The following CATSPERB variants were observed in gnomAD, a reference collection of about 807,000 sequenced individuals.
CATSPERB encodes catsper channel auxiliary subunit beta.
Under a neutral mutation model 128.3 loss-of-function variants are expected in CATSPERB, and 93 were observed. That is an observed-to-expected ratio of 0.72 (90% CI 0.61 to 0.86). CATSPERB has a LOEUF of 0.86. CATSPERB is among the 40% of genes least tolerant of loss of function. The pLI is 0.00. For synonymous variants in CATSPERB, 381 were observed against 448.8 expected (o/e 0.85, Z 1.91); for missense variants, 1,153 against 1,329.5 (o/e 0.87, Z 2.06).
chr14:91,669,743 G>A, intron 14 of CATSPERB, 71 bp downstream of exon 14: 1 of 1,413,564 alleles, frequency 7.1e-7, no homozygotes, highest in Non-Finnish European at 9.5e-7. Context: ...TGTTCTTAAT[G>A]TACAGCCATG....
chr14:91,706,850 C>T (rs546538523), intron 6 of CATSPERB, among the ~76,000 whole-genome samples: 7 of 152,172 alleles, frequency 4.6e-5, no homozygotes, highest in South Asian at 2.1e-4. Context: ...GCCATAGCAG[C>T]TCTACTTTCA....
chr14:91,651,145 C>T (rs778471125), intron 15 of CATSPERB, among the ~76,000 whole-genome samples: 1 of 152,170 alleles, frequency 6.6e-6, no homozygotes, highest in Non-Finnish European at 1.5e-5. Flanking sequence ...TTCCAGTTGA[C>T]TCCTGATTGG....
At position 91,594,092 on chromosome 14, in the gene CATSPERB, G is replaced by A. The variant is rs1311171560; in HGVS notation, c.2710-2090C>T. On this transcript the variant is annotated intron_variant, in intron 22 of 26. Coordinates refer to ENST00000256343, the MANE Select transcript of CATSPERB (RefSeq NM_024764.4). ...GGAACCAACCTAAATGTCCAACAGC[G>A]ATAGACTGGATTAAGAAAATGTGGC... 3.3e-5 allele frequency among the ~76,000 whole-genome samples: 5 copies of A among 152,210 alleles called. No homozygotes were observed. In the South Asian group the frequency reaches 6.2e-4, roughly 19 times the overall value.
Position 91,636,709 on chromosome 14 carries a change from A to C in CATSPERB, c.1588-130T>G, listed in dbSNP as rs1359422306. 7 of 787,468 alleles carry C rather than the reference A, an allele frequency of 8.9e-6. No homozygotes were observed. The Admixed American group carries it at 2.1e-4, about 24-fold the overall frequency. 48.8% of individuals were successfully genotyped at this position (787,468 alleles called of 1,614,324 possible). On this transcript the variant is annotated intron_variant, in intron 16 of 26. Coordinates refer to ENST00000256343, the MANE Select transcript of CATSPERB (RefSeq NM_024764.4). ...GGTTTACTTATCAATTGGAGAAATA[A>C]GTCAACGTGTTCTGTTGGAACATCC...
At chr14:91,673,416 C>T (rs1285656) in intron 12 of CATSPERB, among the ~76,000 whole-genome samples, 26,272 of 152,066 alleles carry the variant, frequency 0.17, 2,502 homozygotes, top group African/African-American at 0.24. Context: ...TACCATTCTC[C>T]TTGGCTGCAG....
At position 91,580,717 on chromosome 14, in the gene CATSPERB, T is replaced by C. The variant is rs112717297; in HGVS notation, c.*172A>G. On this transcript the variant is annotated 3_prime_UTR_variant, in exon 27 of 27. Coordinates refer to ENST00000256343, the MANE Select transcript of CATSPERB (RefSeq NM_024764.4). ...AAGCCCTGGCATAAGACATTTTCTATGTATTCAAAATAAGAAAAGGAAATG... is the reference window on the plus strand; with the variant it reads ...AAGCCCTGGCATAAGACATTTTCTACGTATTCAAAATAAGAAAAGGAAATG... 49 of 616,548 alleles carry C rather than the reference T, an allele frequency of 7.9e-5. No homozygotes were observed. The highest frequency in any genetic ancestry group is 1.2e-4 in the Non-Finnish European group (44 of 354,406). 38.2% of individuals were successfully genotyped at this position (616,548 alleles called of 1,614,324 possible).
intron 3 of CATSPERB, among the ~76,000 whole-genome samples, chr14:91,723,911 G>T (rs977001122): frequency 6.6e-6 from 1 of 152,064 alleles, no homozygotes; most frequent in East Asian, 1.9e-4. Context: ...GGAAAAGATA[G>T]AAAAAATGAA....
intron 22 of CATSPERB, among the ~76,000 whole-genome samples, chr14:91,607,034 C>T (rs1347753515): frequency 1.5e-5 from 2 of 129,146 alleles, no homozygotes; most frequent in African/African-American, 5.9e-5. Context: ...TAACCTGAAA[C>T]CCAAGATTTC....
intron 10 of CATSPERB, among the ~76,000 whole-genome samples, chr14:91,689,428 C>A: frequency 6.6e-6 from 1 of 152,200 alleles, no homozygotes. Context: ...CCTTTTTTGA[C>A]TTAGCAGGGC....
At chr14:91,614,154 AT>A (rs1218441199) in intron 20 of CATSPERB, among the ~76,000 whole-genome samples, 1 of 152,160 alleles carries the variant, frequency 6.6e-6, no homozygotes, top group African/African-American at 2.4e-5. Context: ...ATCACATTTA[AT>A]TCTCAAAACA....
At chr14:91,628,591 T>C (rs955560805) in intron 17 of CATSPERB, among the ~76,000 whole-genome samples, 3 of 152,112 alleles carry the variant, frequency 2.0e-5, no homozygotes, top group Non-Finnish European at 4.4e-5. Context: ...TCATGAGATC[T>C]GATGGTTTTA....
At chr14:91,617,529 TTAA>T (rs1218883362) in intron 20 of CATSPERB, 65 bp downstream of exon 20, 11 of 1,173,864 alleles carry the variant, frequency 9.4e-6, no homozygotes, top group Non-Finnish European at 1.3e-5. Flanking sequence ...TCATTAAATA[TTAA>T]TAATAGTTGT....
intron 22 of CATSPERB, chr14:91,604,476 T>C (rs1427213774): frequency 6.4e-6 from 10 of 1,569,844 alleles, no homozygotes; most frequent in Non-Finnish European, 8.7e-6. Context: ...CTAAAATACC[T>C]AGTGGTCTGC....
intron 22 of CATSPERB, among the ~76,000 whole-genome samples, chr14:91,607,506 C>T (rs1384695180): frequency 6.6e-6 from 1 of 152,134 alleles, no homozygotes; most frequent in Admixed American, 6.5e-5. Context: ...ATTGGAGAAA[C>T]AGCAAAGAGG....
At chr14:91,720,146 CA>C (rs1337549529) in intron 4 of CATSPERB, among the ~76,000 whole-genome samples, 1 of 151,732 alleles carries the variant, frequency 6.6e-6, no homozygotes, top group Non-Finnish European at 1.5e-5. Flanking sequence ...TGGGTAAATC[CA>C]AAGAGAAAAA....
intron 22 of CATSPERB, among the ~76,000 whole-genome samples, chr14:91,599,371 A>G (rs1376696436): frequency 1.3e-5 from 2 of 151,956 alleles, no homozygotes; most frequent in African/African-American, 4.8e-5. Flanking sequence ...CATCCTGGCT[A>G]ACGCGGTGAA....
At chr14:91,716,267 T>C (rs1417327817) in intron 5 of CATSPERB, among the ~76,000 whole-genome samples, 1 of 152,218 alleles carries the variant, frequency 6.6e-6, no homozygotes, top group Non-Finnish European at 1.5e-5. Flanking sequence ...AGATGCTCAA[T>C]GTCATTAGTT....
intron 17 of CATSPERB, among the ~76,000 whole-genome samples, chr14:91,627,170 C>G (rs1264829665): frequency 1.3e-5 from 2 of 152,118 alleles, no homozygotes; most frequent in African/African-American, 4.8e-5. Context: ...AAAATACATG[C>G]TATGGTTTGC....
At chr14:91,638,482 G>A (rs1234971838) in intron 16 of CATSPERB, among the ~76,000 whole-genome samples, 2 of 151,662 alleles carry the variant, frequency 1.3e-5, no homozygotes, top group East Asian at 1.9e-4. Flanking sequence ...CTTCAGCAGC[G>A]TGATCGCAGT....
Sources: allele counts gnomAD v4.1 joint callset (sites outside exome capture counted in the v4.1 genomes callset), GRCh38; gene constraint gnomAD v4.1.1; transcripts MANE v1.5; gene names NCBI Gene and HGNC (gene_info 2026-07-23, HGNC 2026-07-21).